The following MDGA2 variants were observed in gnomAD, a reference collection of about 807,000 sequenced individuals.
MDGA2 encodes the protein MAM domain containing glycosylphosphatidylinositol anchor 2.
A neutral mutation model predicts 117.8 loss-of-function variants in MDGA2; 40 were observed. That is an observed-to-expected ratio of 0.34 (90% CI 0.26 to 0.44). The LOEUF is 0.44. Ranked by LOEUF, MDGA2 falls within the 20% of genes least tolerant of loss-of-function variation. The pLI, the probability that MDGA2 is intolerant of heterozygous loss-of-function variation, is 1.00. For synonymous variants in MDGA2, 452 were observed against 439.0 expected (o/e 1.03, Z -0.37); for missense variants, 1,123 against 1,250.6 (o/e 0.90, Z 1.54).
At position 47,628,034 on chromosome 14, in the gene MDGA2, T is replaced by C. The variant is rs1897182894; in HGVS notation, c.280+46483A>G. ...AACAACCCACCAATTCCGGACACAG[T>C]ACCACCTGCCATAGTTTTGGGGTTT... On this transcript the variant is annotated intron_variant, in intron 1 of 16. Coordinates refer to ENST00000399232, the MANE Select transcript of MDGA2 (RefSeq NM_001113498.3). Among the ~76,000 whole-genome samples the C allele has an allele frequency of 2.0e-5, 3 of 152,162 alleles. No homozygotes were observed. In the South Asian group the frequency reaches 6.2e-4, roughly 32 times the overall value.
intron 1 of MDGA2, among the ~76,000 whole-genome samples, chr14:47,539,731 G>C (rs768971483): frequency 6.6e-6 from 1 of 152,188 alleles, no homozygotes; most frequent in Non-Finnish European, 1.5e-5. Flanking sequence ...GTGTAGCTTA[G>C]AGTAGATTTG....
rs75138590 is a variant in MDGA2 at position 47,674,424 on chromosome 14, G to A, written c.280+93C>T. ...TGTAAATCAAATGCCACGCCGGGAG[G>A]GGCCCCGGAACGGCGCGAGTCGTGC... On this transcript the variant is annotated intron_variant, in intron 1 of 16. Transcript: ENST00000399232. 16 of 1,093,544 alleles carry A rather than the reference G, an allele frequency of 1.5e-5. No individual in the cohort carries two copies. The East Asian group carries it at 4.3e-4, about 29-fold the overall frequency. 67.7% of individuals were successfully genotyped at this position (1,093,544 alleles called of 1,614,324 possible).
chr14:46,930,074 T>C (rs1884507829), intron 9 of MDGA2, among the ~76,000 whole-genome samples: 1 of 151,336 alleles, frequency 6.6e-6, no homozygotes, highest in Non-Finnish European at 1.5e-5. Flanking sequence ...AATTTACAAC[T>C]GAAAACTATT....
chr14:47,242,000 G>A (rs1035712793), intron 2 of MDGA2, among the ~76,000 whole-genome samples: 2 of 151,706 alleles, frequency 1.3e-5, no homozygotes, highest in African/African-American at 4.8e-5. Context: ...AAATGAGATG[G>A]TGCATAGAAA....
At chr14:47,008,327 T>C (rs901607589) in intron 8 of MDGA2, among the ~76,000 whole-genome samples, 1 of 151,870 alleles carries the variant, frequency 6.6e-6, no homozygotes. Flanking sequence ...ACAGGTAGTG[T>C]TGGCAGAACA....
chr14:47,285,368 T>A (rs1888637888), intron 2 of MDGA2, among the ~76,000 whole-genome samples: 2 of 152,170 alleles, frequency 1.3e-5, no homozygotes, highest in African/African-American at 4.8e-5. Context: ...GCTTTCATCA[T>A]CTCTGTATTA....
chr14:47,025,886 T>C (rs897423190), intron 8 of MDGA2, among the ~76,000 whole-genome samples: 4 of 152,088 alleles, frequency 2.6e-5, no homozygotes, highest in African/African-American at 4.8e-5. Context: ...CTGCAGGGAA[T>C]AGGAGTGGAA....
chr14:46,858,882 G>C (rs1881392296), intron 14 of MDGA2, among the ~76,000 whole-genome samples: 1 of 152,106 alleles, frequency 6.6e-6, no homozygotes, highest in Non-Finnish European at 1.5e-5. Context: ...GGGCATTGTA[G>C]ATAGAACATT....
intron 1 of MDGA2, among the ~76,000 whole-genome samples, chr14:47,502,964 C>A (rs921835735): frequency 2.6e-4 from 40 of 152,068 alleles, no homozygotes; most frequent in African/African-American, 8.2e-4. Flanking sequence ...TAGGCTTGAG[C>A]CACTGTGTCC....
At chr14:47,646,016 C>T (rs1252106119) in intron 1 of MDGA2, among the ~76,000 whole-genome samples, 4 of 147,740 alleles carry the variant, frequency 2.7e-5, no homozygotes. Context: ...GGAGGCGGAG[C>T]TTGCAGTGAG....
Position 47,674,947 on chromosome 14 carries a change from G to A in MDGA2, c.-151C>T. 2.0e-6 allele frequency: 1 copy of A among 492,696 alleles called. No individual in the cohort carries two copies. Among genetic ancestry groups the A allele is most frequent in the Non-Finnish European group, 3.5e-6 (1 of 283,784 alleles). 30.5% of individuals were successfully genotyped at this position (492,696 alleles called of 1,614,324 possible). ...GCGGTGATGGGAAGGGGAGCTGCGA[G>A]GCGAAGTGTTCTTCAGGGAAGCGGG... On this transcript the variant is annotated 5_prime_UTR_variant, in exon 1 of 17. Transcript: ENST00000399232.
intron 1 of MDGA2, among the ~76,000 whole-genome samples, chr14:47,613,298 T>C (rs1013013104): frequency 6.6e-6 from 1 of 152,138 alleles, no homozygotes; most frequent in African/African-American, 2.4e-5. Context: ...AAACATATCC[T>C]ATTCAAATGA....
intron 3 of MDGA2, among the ~76,000 whole-genome samples, chr14:47,170,289 T>G (rs1884066187): frequency 6.6e-6 from 1 of 152,164 alleles, no homozygotes; most frequent in African/African-American, 2.4e-5. Context: ...AATAAGAAAT[T>G]GTTTGAAATT....
chr14:47,524,090 A>G, intron 1 of MDGA2, among the ~76,000 whole-genome samples: 1 of 152,164 alleles, frequency 6.6e-6, no homozygotes, highest in East Asian at 1.9e-4. Context: ...TTTCTACTAG[A>G]TGATAGTTTT....
chr14:47,030,423 A>T (rs1281084198), intron 8 of MDGA2, among the ~76,000 whole-genome samples: 1 of 151,986 alleles, frequency 6.6e-6, no homozygotes, highest in Non-Finnish European at 1.5e-5. Context: ...CTGAAGTAAG[A>T]GAATTGCTTG....
intron 1 of MDGA2, among the ~76,000 whole-genome samples, chr14:47,589,650 T>C (rs1030868175): frequency 6.6e-6 from 1 of 151,996 alleles, no homozygotes; most frequent in Non-Finnish European, 1.5e-5. Context: ...GTATTCTGGG[T>C]CCTTCAAATT....
intron 2 of MDGA2, among the ~76,000 whole-genome samples, chr14:47,269,563 C>A (rs1259098058): frequency 6.6e-6 from 1 of 152,054 alleles, no homozygotes; most frequent in Non-Finnish European, 1.5e-5. Context: ...TAACCAGGTT[C>A]TGAAAAAAAT....
chr14:46,923,773 A>G (rs1595047157), intron 9 of MDGA2, among the ~76,000 whole-genome samples: 1 of 152,214 alleles, frequency 6.6e-6, no homozygotes, highest in East Asian at 1.9e-4. Flanking sequence ...TTTCAGAGCC[A>G]ATTATACTTT....
chr14:47,335,750 A>ACATACATACC (rs1890435149), intron 1 of MDGA2, among the ~76,000 whole-genome samples: 1 of 143,696 alleles, frequency 7.0e-6, no homozygotes, highest in African/African-American at 2.6e-5. Context: ...ATATATATAC[A>ACATACATACC]TACATACATA....
Sources: allele counts gnomAD v4.1 joint callset (sites outside exome capture counted in the v4.1 genomes callset), GRCh38; gene constraint gnomAD v4.1.1; transcripts MANE v1.5; gene names NCBI Gene and HGNC (gene_info 2026-07-23, HGNC 2026-07-21).